MAGI2: variants seen among roughly 807,000 people sequenced by gnomAD.
MAGI2 encodes the protein membrane associated guanylate kinase, WW and PDZ domain containing 2.
In MAGI2, 35 loss-of-function variants were observed where a neutral mutation model predicts 133.3. The observed-to-expected ratio is 0.26, with a 90% CI of 0.20 to 0.35. The LOEUF (loss-of-function observed/expected upper bound fraction) is 0.35, where lower values mean the gene tolerates loss of function less well. MAGI2 is among the 10% of genes least tolerant of loss of function. The pLI, the probability that MAGI2 is intolerant of heterozygous loss-of-function variation, is 1.00. For missense variants in MAGI2, 1,636 were observed against 1,863.4 expected (o/e 0.88, Z 2.25); for synonymous variants, 729 against 710.6 (o/e 1.03, Z -0.41).
chr7:78,802,515 T>C (rs1788157797), intron 2 of MAGI2, among the ~76,000 whole-genome samples: 2 of 152,302 alleles, frequency 1.3e-5, no homozygotes, highest in African/African-American at 2.4e-5. Flanking sequence ...GATAAAACTG[T>C]GTGGATTCAT....
At chr7:79,396,219 C>A (rs1845045375) in intron 1 of MAGI2, among the ~76,000 whole-genome samples, 1 of 152,080 alleles carries the variant, frequency 6.6e-6, no homozygotes, top group Non-Finnish European at 1.5e-5. Flanking sequence ...TTCTCAGCAG[C>A]AAATGTGTGT....
chr7:78,475,798 G>A (rs1362917310), intron 6 of MAGI2, among the ~76,000 whole-genome samples: 1 of 151,700 alleles, frequency 6.6e-6, no homozygotes, highest in East Asian at 1.9e-4. Flanking sequence ...GAAAAGAGAA[G>A]GTCACCAAAT....
intron 2 of MAGI2, among the ~76,000 whole-genome samples, chr7:78,813,087 T>C (rs1255249309): frequency 6.6e-6 from 1 of 152,176 alleles, no homozygotes; most frequent in African/African-American, 2.4e-5. Context: ...AAGTAAACAG[T>C]GGCAGTCCCA....
chr7:78,573,310 A>T (rs867908526), intron 3 of MAGI2, among the ~76,000 whole-genome samples: 1 of 51,202 alleles, frequency 2.0e-5, no homozygotes, highest in Non-Finnish European at 3.7e-5. Context: ...ATTTATATAT[A>T]TAAATATATA....
intron 1 of MAGI2, among the ~76,000 whole-genome samples, chr7:79,343,864 A>G (rs1270260136): frequency 6.6e-6 from 1 of 152,192 alleles, no homozygotes; most frequent in Non-Finnish European, 1.5e-5. Context: ...ACAAAAAAGC[A>G]ACAGCACTTA....
In MAGI2 at chr7:79,261,228, A is replaced by G. The variant is rs538977745; in HGVS notation, c.301+191792T>C. On this transcript the variant is annotated intron_variant, in intron 1 of 21. Transcript: ENST00000354212. ...TTCCCAATAGCTATTAGACTCTCTCACTTCTTACATTCACTTCTTCATTCG... is the reference window on the plus strand; with the variant it reads ...TTCCCAATAGCTATTAGACTCTCTCGCTTCTTACATTCACTTCTTCATTCG... 4.9e-4 allele frequency among the ~76,000 whole-genome samples: 75 copies of G among 152,308 alleles called. 1 individual carries two copies. Among genetic ancestry groups the G allele is most frequent in the Non-Finnish European group, 1.0e-3 (68 of 68,030 alleles).
intron 11 of MAGI2, among the ~76,000 whole-genome samples, chr7:78,200,560 C>CGT (rs1004613068): frequency 6.6e-6 from 1 of 151,948 alleles, no homozygotes; most frequent in Non-Finnish European, 1.5e-5. Flanking sequence ...CTTAAATATA[C>CGT]GTGTGTGTGT....
At position 78,771,362 on chromosome 7, in the gene MAGI2, AAG is replaced by A. The variant is rs559610343; in HGVS notation, c.419-144125_419-144124del. 8.7e-4 allele frequency: 132 copies of A among 152,328 alleles called. 1 individual carries two copies. Among genetic ancestry groups the A allele is most frequent in the African/African-American group, 3.0e-3 (124 of 41,566 alleles). The allele number at this position is 152,328 out of a possible 1,614,324, so 9.4% of individuals were successfully genotyped here. A position where few individuals can be genotyped will look rare whatever the true frequency, so the allele number is the denominator to read the frequency against. On this transcript the variant is annotated intron_variant, in intron 2 of 21. Transcript: ENST00000354212. ...AAAGGGAGGGGGGCGGCTCTAGGTGAAGTCAGGTGACCCCTCCATTAAAAGCC... is the reference window on the plus strand; with the variant it reads ...AAAGGGAGGGGGGCGGCTCTAGGTGATCAGGTGACCCCTCCATTAAAAGCC...
intron 6 of MAGI2, among the ~76,000 whole-genome samples, chr7:78,459,701 A>G (rs1169261724): frequency 6.6e-6 from 1 of 152,226 alleles, no homozygotes; most frequent in African/African-American, 2.4e-5. Flanking sequence ...TTTTTCAGCT[A>G]TGCTGTATGC....
intron 9 of MAGI2, among the ~76,000 whole-genome samples, chr7:78,311,597 T>C (rs1019114279): frequency 2.6e-5 from 4 of 152,184 alleles, no homozygotes; most frequent in Non-Finnish European, 5.9e-5. Context: ...GCTTTTAAAA[T>C]TAGAATGTCA....
At chr7:79,359,231 A>C (rs955521345) in intron 1 of MAGI2, among the ~76,000 whole-genome samples, 1 of 152,202 alleles carries the variant, frequency 6.6e-6, no homozygotes, top group South Asian at 2.1e-4. Flanking sequence ...ACTTAATAAT[A>C]GAATGGACAT....
intron 3 of MAGI2, among the ~76,000 whole-genome samples, chr7:78,620,043 G>C (rs1005673973): frequency 2.0e-5 from 3 of 151,870 alleles, no homozygotes; most frequent in Non-Finnish European, 4.4e-5. Flanking sequence ...CTGTTATGAA[G>C]GTTATTACTT....
intron 3 of MAGI2, among the ~76,000 whole-genome samples, chr7:78,613,839 T>C (rs1806749223): frequency 6.6e-6 from 1 of 152,216 alleles, no homozygotes; most frequent in Non-Finnish European, 1.5e-5. Flanking sequence ...CCTGGTGCAG[T>C]GGCTCATGCC....
At chr7:78,108,068 T>A (rs1386133144) in intron 20 of MAGI2, among the ~76,000 whole-genome samples, 2 of 152,042 alleles carry the variant, frequency 1.3e-5, no homozygotes, top group Admixed American at 6.6e-5. Context: ...TTTGTAAGGT[T>A]GTTTATTTGA....
At chr7:79,121,761 T>C (rs1819927766) in intron 1 of MAGI2, among the ~76,000 whole-genome samples, 1 of 152,178 alleles carries the variant, frequency 6.6e-6, no homozygotes, top group African/African-American at 2.4e-5. Flanking sequence ...TTCTTTCTTT[T>C]TCATTCTAGT....
At chr7:79,006,808 A>C (rs1228711594) in intron 2 of MAGI2, 1 of 271,566 alleles carries the variant, frequency 3.7e-6, no homozygotes, top group African/African-American at 2.2e-5. Context: ...AATCACCAAC[A>C]GTCTGGACTA....
intron 2 of MAGI2, among the ~76,000 whole-genome samples, chr7:78,682,369 C>A (rs534001621): frequency 1.3e-5 from 2 of 152,154 alleles, no homozygotes; most frequent in South Asian, 4.1e-4. Flanking sequence ...GCTATCACTC[C>A]CCTTGCCCCC....
Position 78,761,466 on chromosome 7 carries a change from AT to A in MAGI2, c.419-134228del, listed in dbSNP as rs763019901. 7.8e-3 allele frequency among the ~76,000 whole-genome samples: 1,071 copies of A among 138,180 alleles called. 4 individuals carry two copies. The highest frequency in any genetic ancestry group is 0.038 in the Middle Eastern group (10 of 266). The allele number at this position is 138,180 out of a possible 152,430, so 90.7% of individuals were successfully genotyped here. The stretch of plus-strand genomic sequence containing the variant: ...GTCTTGTTAAAATATGTAGATTCTG[AT>A]TTTTTTTTTTTTTTTTGAGACAGAG... On this transcript the variant is annotated intron_variant, in intron 2 of 21. Coordinates refer to ENST00000354212, the MANE Select transcript of MAGI2 (RefSeq NM_012301.4).
chr7:78,553,395 T>C (rs949365785), intron 3 of MAGI2, among the ~76,000 whole-genome samples: 1 of 152,334 alleles, frequency 6.6e-6, no homozygotes, highest in Non-Finnish European at 1.5e-5. Context: ...ACCTTGGAAA[T>C]GCAACTGAGT....
Sources: gnomAD v4.1 joint callset for allele counts (sites outside exome capture counted in the v4.1 genomes callset) on GRCh38, gnomAD v4.1.1 for gene constraint, MANE v1.5 for transcripts, NCBI Gene and HGNC (gene_info 2026-07-23, HGNC 2026-07-21) for gene names.